THADA: variants seen among roughly 807,000 people sequenced by gnomAD.
The protein encoded by THADA is THADA armadillo repeat containing.
A neutral mutation model predicts 219.8 loss-of-function variants in THADA; 213 were observed. That is an observed-to-expected ratio of 0.97 (90% CI 0.87 to 1.09). The LOEUF is 1.09. THADA is among the 50% of genes least tolerant of loss of function. The pLI, the probability that THADA is intolerant of heterozygous loss-of-function variation, is 0.00. For synonymous variants in THADA, 1,018 were observed against 828.9 expected, an observed-to-expected ratio of 1.23 and a Z score of -3.92; for missense variants, 2,956 against 2,311.3, an observed-to-expected ratio of 1.28 and a Z score of -5.72.
At chr2:43,461,403 A>C (rs963476268) in intron 26 of THADA, among the ~76,000 whole-genome samples, 1 of 152,180 alleles carries the variant, frequency 6.6e-6, no homozygotes, top group Non-Finnish European at 1.5e-5. Flanking sequence ...TTTAAGTACT[A>C]AAAAATGATT....
rs560650804 is a variant in THADA at position 43,505,477 on chromosome 2, C to A, written c.3621+145G>T. The A allele has an allele frequency of 4.2e-4, 205 of 485,462 alleles. 2 individuals are homozygous for A. Among genetic ancestry groups the A allele is most frequent in the African/African-American group, 3.6e-3 (179 of 50,012 alleles). 30.1% of individuals were successfully genotyped at this position (485,462 alleles called of 1,614,324 possible). ...GCTGAGGCAGAAGAATTGCTTGAAC[C>A]TGGGAGGCGAAGGTTGCAGTGAGCT... On this transcript the variant is annotated intron_variant, in intron 24 of 37. Coordinates refer to ENST00000405975, the MANE Select transcript of THADA (RefSeq NM_022065.5).
At chr2:43,526,396 C>T (rs1054018587) in intron 22 of THADA, among the ~76,000 whole-genome samples, 4 of 152,214 alleles carry the variant, frequency 2.6e-5, no homozygotes, top group Admixed American at 2.6e-4. Context: ...CCTACCAACT[C>T]CACCACTACA....
intron 22 of THADA, among the ~76,000 whole-genome samples, chr2:43,524,644 A>G (rs570510412): frequency 1.3e-5 from 2 of 152,372 alleles, no homozygotes; most frequent in African/African-American, 4.8e-5. Context: ...AGGAAGCCAC[A>G]CACACTGTAA....
chr2:43,446,917 A>C (rs1366303970), intron 26 of THADA, among the ~76,000 whole-genome samples: 1 of 152,204 alleles, frequency 6.6e-6, no homozygotes, highest in Non-Finnish European at 1.5e-5. Flanking sequence ...CTACAGCAGA[A>C]TCCCATCTTG....
intron 26 of THADA, among the ~76,000 whole-genome samples, chr2:43,442,495 A>C (rs1680970271): frequency 6.6e-6 from 1 of 152,142 alleles, no homozygotes; most frequent in African/African-American, 2.4e-5. Context: ...AATTAGTAAG[A>C]CTGGATTAAA....
At chr2:43,419,955 T>C (rs1350569506) in intron 28 of THADA, among the ~76,000 whole-genome samples, 1 of 152,258 alleles carries the variant, frequency 6.6e-6, no homozygotes, top group African/African-American at 2.4e-5. Context: ...ACCATTTATT[T>C]TGTGAATTTC....
chr2:43,535,858 G>C (rs1297126230), intron 21 of THADA, among the ~76,000 whole-genome samples: 2 of 151,940 alleles, frequency 1.3e-5, no homozygotes, highest in Admixed American at 6.6e-5. Context: ...CACTCGCTCT[G>C]TCACCAGGCT....
chr2:43,468,214 G>A (rs1684490520), intron 26 of THADA, among the ~76,000 whole-genome samples: 1 of 152,136 alleles, frequency 6.6e-6, no homozygotes, highest in African/African-American at 2.4e-5. Flanking sequence ...GAGAATGCTT[G>A]GTGTAAATTA....
At chr2:43,548,549 T>C (rs1696348651) in intron 20 of THADA, among the ~76,000 whole-genome samples, 1 of 152,212 alleles carries the variant, frequency 6.6e-6, no homozygotes, top group African/African-American at 2.4e-5. Flanking sequence ...CTGCTTTGTT[T>C]ACCTAAGCAA....
At chr2:43,516,396 ACTCCAG>A (rs1691728812) in intron 22 of THADA, among the ~76,000 whole-genome samples, 1 of 151,774 alleles carries the variant, frequency 6.6e-6, no homozygotes, top group Non-Finnish European at 1.5e-5. Flanking sequence ...TGCTCACACT[ACTCCAG>A]TCATAATTGG....
intron 30 of THADA, among the ~76,000 whole-genome samples, chr2:43,328,269 G>A (rs1168975606): frequency 6.6e-6 from 1 of 152,178 alleles, no homozygotes; most frequent in Non-Finnish European, 1.5e-5. Flanking sequence ...GAGTTTAGCT[G>A]TGCATGCAGG....
intron 29 of THADA, among the ~76,000 whole-genome samples, chr2:43,376,728 A>T (rs1473437389): frequency 6.6e-6 from 1 of 152,148 alleles, no homozygotes; most frequent in Non-Finnish European, 1.5e-5. Context: ...ATCTCTACCC[A>T]TCACTACTCT....
chr2:43,353,696 C>A (rs953536035), intron 29 of THADA, among the ~76,000 whole-genome samples: 6 of 152,122 alleles, frequency 3.9e-5, no homozygotes, highest in African/African-American at 1.4e-4. Context: ...TGCTCTGTCG[C>A]CCATGCTGGA....
At chr2:43,474,098 A>T (rs986876979) in intron 26 of THADA, among the ~76,000 whole-genome samples, 5 of 152,214 alleles carry the variant, frequency 3.3e-5, no homozygotes, top group African/African-American at 1.2e-4. Context: ...GTGGGGCATG[A>T]CTGTACAGGT....
At chr2:43,272,518 T>C (rs777987281) in intron 36 of THADA, among the ~76,000 whole-genome samples, 3 of 152,136 alleles carry the variant, frequency 2.0e-5, no homozygotes, top group Non-Finnish European at 2.9e-5. Context: ...ACCCTTGATC[T>C]GACCACTTCT....
chr2:43,502,421 C>T (rs1357197419), intron 24 of THADA, among the ~76,000 whole-genome samples: 1 of 151,866 alleles, frequency 6.6e-6, no homozygotes, highest in African/African-American at 2.4e-5. Flanking sequence ...CTCGTCTCTA[C>T]TAAAAATATA....
At chr2:43,476,971 A>T (rs947662872) in intron 26 of THADA, among the ~76,000 whole-genome samples, 1 of 152,226 alleles carries the variant, frequency 6.6e-6, no homozygotes, top group African/African-American at 2.4e-5. Flanking sequence ...ATTTTCCTAG[A>T]TTCAAATGTA....
intron 28 of THADA, among the ~76,000 whole-genome samples, chr2:43,411,200 C>A (rs918440436): frequency 6.6e-6 from 1 of 152,204 alleles, no homozygotes; most frequent in Non-Finnish European, 1.5e-5. Context: ...CCCAGGCTCA[C>A]AAAGGGAATG....
intron 28 of THADA, 86 bp from the exon 29 acceptor site, chr2:43,398,225 C>T (rs1214375543): frequency 6.4e-6 from 9 of 1,411,764 alleles, no homozygotes; most frequent in Non-Finnish European, 8.8e-6. Context: ...TCTAGCATGG[C>T]CTGGAACATC....
Sources: allele counts gnomAD v4.1 joint callset (sites outside exome capture counted in the v4.1 genomes callset), GRCh38; gene constraint gnomAD v4.1.1; transcripts MANE v1.5; gene names NCBI Gene and HGNC (gene_info 2026-07-23, HGNC 2026-07-21).